YAF2: variants seen among roughly 807,000 people sequenced by gnomAD.
YAF2 encodes the protein YY1-associated factor 2.
Under a neutral mutation model 20.1 loss-of-function variants are expected in YAF2, and 7 were observed. That is an observed-to-expected ratio of 0.35 (90% CI 0.20 to 0.65). The LOEUF (loss-of-function observed/expected upper bound fraction) is 0.65. Ranked by LOEUF, YAF2 falls within the 30% of genes least tolerant of loss-of-function variation. YAF2 has a pLI of 0.69. For synonymous variants in YAF2, 74 were observed against 76.0 expected (o/e 0.97, Z 0.14); for missense variants, 151 against 219.2 (o/e 0.69, Z 1.96).
At position 42,232,990 on chromosome 12, in the gene YAF2, G is replaced by A. The variant is rs555096385; in HGVS notation, c.152+4609C>T. 200 of 985,284 alleles carry A rather than the reference G, an allele frequency of 2.0e-4. No homozygotes were observed. In the African/African-American group the frequency reaches 2.4e-3, roughly 12 times the overall value. 61.0% of individuals were successfully genotyped at this position (985,284 alleles called of 1,614,324 possible). On this transcript the variant is annotated intron_variant, in intron 2 of 3. Coordinates refer to ENST00000534854, the MANE Select transcript of YAF2 (RefSeq NM_005748.6). ...GGTACAGTTAAAGCGGTTCTAATTT[G>A]CAAAACTGTAAAATTTTAAAGAAAC...
intron 2 of YAF2, among the ~76,000 whole-genome samples, chr12:42,200,147 G>A (rs1449890514): frequency 3.3e-5 from 5 of 152,172 alleles, no homozygotes; most frequent in African/African-American, 4.8e-5. Flanking sequence ...CCATTACAGA[G>A]TTTACACTCT....
chr12:42,167,161 G>A (rs1054155570), intron 2 of YAF2, among the ~76,000 whole-genome samples: 4 of 152,166 alleles, frequency 2.6e-5, no homozygotes, highest in Non-Finnish European at 4.4e-5. Context: ...AAAGGGGAGG[G>A]AGAGTATTAG....
intron 2 of YAF2, among the ~76,000 whole-genome samples, chr12:42,168,148 C>T (rs976694517): frequency 1.3e-4 from 20 of 151,396 alleles, no homozygotes; most frequent in African/African-American, 4.4e-4. Context: ...TTTCCCATCA[C>T]GTCTATCTCA....
intron 2 of YAF2, chr12:42,233,879 T>G: frequency 2.0e-6 from 2 of 985,346 alleles, no homozygotes; most frequent in Non-Finnish European, 2.4e-6. Flanking sequence ...CTTATAAGAA[T>G]CTTCAGATAG....
chr12:42,195,747 T>C (rs1003904423), intron 2 of YAF2, among the ~76,000 whole-genome samples: 3 of 152,108 alleles, frequency 2.0e-5, no homozygotes, highest in African/African-American at 7.2e-5. Context: ...GAACCAGTCA[T>C]GGTGTGTTGA....
intron 2 of YAF2, among the ~76,000 whole-genome samples, chr12:42,194,747 A>G (rs2066706886): frequency 6.6e-6 from 1 of 152,314 alleles, no homozygotes; most frequent in Admixed American, 6.5e-5. Flanking sequence ...AATACTACCT[A>G]TGGTCCAGGC....
intron 2 of YAF2, among the ~76,000 whole-genome samples, chr12:42,230,674 A>G (rs2067959836): frequency 6.6e-6 from 1 of 152,226 alleles, no homozygotes; most frequent in African/African-American, 2.4e-5. Context: ...AAGGACATGA[A>G]GGAGGACTAC....
At position 42,208,210 on chromosome 12, in the gene YAF2, T is replaced by C. The variant is rs554161520; in HGVS notation, c.152+29389A>G. On this transcript the variant is annotated intron_variant, in intron 2 of 3. Transcript: ENST00000534854. The stretch of plus-strand genomic sequence containing the variant: ...TGGGAGGCCGAGGCGGGCAGATCAC[T>C]TGAGGTCAGAAGTTCAAAACCTGGC... 7.1e-4 allele frequency among the ~76,000 whole-genome samples: 108 copies of C among 152,240 alleles called. 2 individuals are homozygous for C. In the South Asian group the frequency reaches 0.022, roughly 31 times the overall value.
Position 42,237,674 on chromosome 12 carries a change from C to G in YAF2, c.77G>C (p.Ser26Thr). 6.3e-7 allele frequency: 1 copy of G among 1,590,414 alleles called. No individual in the cohort carries two copies. ...GGCGCTGTTCCGGAAGGTGCAGACG[C>G]TACAGTCCCAGTAACCCTCATCCGA... ...PSSDEGYWDC[S>T]VCTFRNSAEA... The change falls in exon 2 of 4, where the codon AGC (serine) becomes ACC (threonine). Residue 26 changes from serine (S) to threonine (T), a missense_variant. This residue lies in a region of YAF2 where 50 missense variants were observed against 58.3 expected (regional missense o/e 0.86). Transcript: ENST00000534854.
At chr12:42,207,025 T>C (rs2067064200) in intron 2 of YAF2, among the ~76,000 whole-genome samples, 1 of 151,988 alleles carries the variant, frequency 6.6e-6, no homozygotes, top group African/African-American at 2.4e-5. Flanking sequence ...ATCCACACAC[T>C]TTTTTTTCTG....
At chr12:42,170,675 T>TACACAC (rs142651413) in intron 2 of YAF2, among the ~76,000 whole-genome samples, 11 of 150,712 alleles carry the variant, frequency 7.3e-5, no homozygotes, top group African/African-American at 2.7e-4. Flanking sequence ...CAAAAAACTA[T>TACACAC]ACACACACAC....
chr12:42,232,130 A>C (rs2068000820), intron 2 of YAF2: 1 of 152,284 alleles, frequency 6.6e-6, no homozygotes, highest in African/African-American at 2.4e-5. Flanking sequence ...AAAATTAGTA[A>C]ATTTTTCTGC....
At chr12:42,206,608 T>TAA (rs59450062) in intron 2 of YAF2, among the ~76,000 whole-genome samples, 1 of 135,356 alleles carries the variant, frequency 7.4e-6, no homozygotes, top group South Asian at 2.4e-4. Flanking sequence ...GACTCCATAT[T>TAA]AAAAAAAAAA....
At chr12:42,190,155 C>A (rs1304277808) in intron 2 of YAF2, among the ~76,000 whole-genome samples, 1 of 152,144 alleles carries the variant, frequency 6.6e-6, no homozygotes, top group Non-Finnish European at 1.5e-5. Flanking sequence ...CCAGCCTGGG[C>A]AACACAGCAA....
chr12:42,211,427 CAAAAAAAAAAAA>C (rs34683165), intron 2 of YAF2, among the ~76,000 whole-genome samples: 17 of 51,608 alleles, frequency 3.3e-4, no homozygotes, highest in East Asian at 6.1e-4. Context: ...ACTCTGTCTC[CAAAAAAAAAAAA>C]AAAAAAAAAA....
At chr12:42,162,270 C>G (rs1485620431) in intron 2 of YAF2, among the ~76,000 whole-genome samples, 2 of 152,158 alleles carry the variant, frequency 1.3e-5, no homozygotes, top group African/African-American at 4.8e-5. Context: ...CTTTAAGTTT[C>G]TTACATCTCC....
At chr12:42,161,506 G>A in intron 3 of YAF2, 107 bp downstream of exon 3, 10 of 1,266,224 alleles carry the variant, frequency 7.9e-6, no homozygotes, top group Non-Finnish European at 9.4e-6. Flanking sequence ...TATAATAAAG[G>A]AGACCAAATA....
intron 2 of YAF2, among the ~76,000 whole-genome samples, chr12:42,167,145 G>A (rs532924972): frequency 6.6e-6 from 1 of 151,930 alleles, no homozygotes; most frequent in African/African-American, 2.4e-5. Context: ...GTTGGGGAGT[G>A]GGGGGAAAGG....
intron 2 of YAF2, among the ~76,000 whole-genome samples, chr12:42,184,017 A>AG (rs2066410013): frequency 6.6e-6 from 1 of 152,332 alleles, no homozygotes; most frequent in Middle Eastern, 3.4e-3. Context: ...GAAACAACAA[A>AG]GCCTGGATGA....
Sources: allele counts gnomAD v4.1 joint callset (sites outside exome capture counted in the v4.1 genomes callset), GRCh38; gene constraint gnomAD v4.1.1; regional missense constraint gnomAD v4.1.1; transcripts MANE v1.5; gene names NCBI Gene and HGNC (gene_info 2026-07-23, HGNC 2026-07-21).